AGBL3: variants seen among roughly 807,000 people sequenced by gnomAD.
The protein encoded by AGBL3 is cytosolic carboxypeptidase 3.
Under a neutral mutation model 94.5 loss-of-function variants are expected in AGBL3, and 68 were observed. That is an observed-to-expected ratio of 0.72 (90% CI 0.59 to 0.88). The LOEUF is 0.88. Ranked by LOEUF, AGBL3 falls within the 40% of genes least tolerant of loss-of-function variation. AGBL3 has a pLI of 0.00. For synonymous variants in AGBL3, 354 were observed against 370.7 expected (o/e 0.95, Z 0.52); for missense variants, 934 against 1,103.8 (o/e 0.85, Z 2.18).
chr7:135,105,257 A>G (rs1423625431), intron 15 of AGBL3, among the ~76,000 whole-genome samples: 1 of 152,040 alleles, frequency 6.6e-6, no homozygotes, highest in Non-Finnish European at 1.5e-5. Context: ...TTTAGTAGGG[A>G]TGGGGTTTCA....
rs529621155 is a variant in AGBL3 at position 135,069,794 on chromosome 7, T to A, written c.1909-6603T>A. On this transcript the variant is annotated intron_variant, in intron 12 of 16. Coordinates refer to ENST00000436302, the MANE Select transcript of AGBL3 (RefSeq NM_178563.4). Reference sequence around the variant, plus strand: ...CAGGAAATATCTAAAATTGACACCCTAACATCACAATTAAAAGAACTAGAG... The same window carrying A: ...CAGGAAATATCTAAAATTGACACCCAAACATCACAATTAAAAGAACTAGAG... 1.3e-3 allele frequency among the ~76,000 whole-genome samples: 202 copies of A among 152,156 alleles called. 1 individual carries two copies. Among genetic ancestry groups the A allele is most frequent in the South Asian group, 0.013 (64 of 4,822 alleles).
intron 16 of AGBL3, among the ~76,000 whole-genome samples, chr7:135,132,594 C>T (rs1828927130): frequency 6.6e-6 from 1 of 152,024 alleles, no homozygotes; most frequent in South Asian, 2.1e-4. Context: ...TGTAATAATC[C>T]CCACGTGTCA....
chr7:135,059,160 T>C lies in AGBL3; in HGVS notation c.1842-9T>C. 1 of 1,546,532 alleles carries C rather than the reference T, an allele frequency of 6.5e-7. No individual in the cohort carries two copies. Among genetic ancestry groups the C allele is most frequent in the Non-Finnish European group, 8.7e-7 (1 of 1,145,222 alleles). ...AACACTGTATAAACCAAAATTATTT[T>C]TTTTGTAGTAGCCGAGGCTCTGACA... is the stretch of plus-strand genomic sequence containing the variant. On this transcript the variant is annotated splice_polypyrimidine_tract_variant and intron_variant, in intron 11 of 16. Coordinates refer to ENST00000436302, the MANE Select transcript of AGBL3 (RefSeq NM_178563.4).
chr7:135,019,501 A>AT (rs1281186247), intron 5 of AGBL3, among the ~76,000 whole-genome samples: 72 of 151,842 alleles, frequency 4.7e-4, no homozygotes, highest in East Asian at 2.7e-3. Context: ...ATCTAGAATC[A>AT]TTTTTTTGTG....
At chr7:134,994,070 A>G (rs1271708303) in intron 4 of AGBL3, among the ~76,000 whole-genome samples, 2 of 152,202 alleles carry the variant, frequency 1.3e-5, no homozygotes, top group East Asian at 3.8e-4. Context: ...TAGCAATTCT[A>G]AACAATTCCA....
chr7:135,049,783 T>C (rs1044438963), intron 11 of AGBL3, among the ~76,000 whole-genome samples: 4 of 151,758 alleles, frequency 2.6e-5, no homozygotes, highest in Non-Finnish European at 5.9e-5. Flanking sequence ...TTTTTTATTT[T>C]ATTTGAGTCT....
intron 16 of AGBL3, among the ~76,000 whole-genome samples, chr7:135,127,860 A>G (rs1828107937): frequency 6.6e-6 from 1 of 152,250 alleles, no homozygotes; most frequent in South Asian, 2.1e-4. Flanking sequence ...ATTCTACTAT[A>G]AAGACACATG....
intron 4 of AGBL3, among the ~76,000 whole-genome samples, chr7:135,015,649 A>G (rs1171526121): frequency 2.0e-5 from 3 of 152,014 alleles, no homozygotes; most frequent in Non-Finnish European, 2.9e-5. Context: ...AATAAAGAAG[A>G]GCATAAGCAG....
intron 16 of AGBL3, among the ~76,000 whole-genome samples, chr7:135,133,866 T>C (rs959462786): frequency 1.3e-5 from 2 of 152,072 alleles, no homozygotes; most frequent in African/African-American, 2.4e-5. Flanking sequence ...CTATGGTACA[T>C]TCATGTCACA....
rs557171327 is a variant in AGBL3 at position 135,119,645 on chromosome 7, A to C, written c.2342+4034A>C. ...GTAATCCCAGCACTTTGGGAGGCCG[A>C]GGTGGGCAGATCACGAGTTCAGGAG... On this transcript the variant is annotated intron_variant, in intron 16 of 16. Transcript: ENST00000436302. Among the ~76,000 whole-genome samples the C allele has an allele frequency of 2.0e-5, 3 of 152,136 alleles. No homozygotes were observed. In the East Asian group the frequency reaches 5.8e-4, roughly 30 times the overall value.
At chr7:135,116,389 G>C (rs1826315660) in intron 16 of AGBL3, among the ~76,000 whole-genome samples, 1 of 152,048 alleles carries the variant, frequency 6.6e-6, no homozygotes, top group Admixed American at 6.6e-5. Context: ...AATATACAAA[G>C]AGTGCTTACA....
intron 3 of AGBL3, among the ~76,000 whole-genome samples, chr7:134,992,458 T>C (rs1398201552): frequency 6.6e-6 from 1 of 152,268 alleles, no homozygotes; most frequent in African/African-American, 2.4e-5. Context: ...ACTGAAATTA[T>C]CTTGTTTTCC....
chr7:135,026,609 C>T lies in AGBL3; in HGVS notation c.419-6235C>T, dbSNP rs1815172083. Among the ~76,000 whole-genome samples the T allele has an allele frequency of 2.0e-5, 3 of 151,528 alleles. 1 individual carries two copies. The South Asian group carries it at 6.4e-4, about 32-fold the overall frequency. On this transcript the variant is annotated intron_variant, in intron 5 of 16. Transcript: ENST00000436302. ...ATAACTAGGAAATATTTCTTTTTAT[C>T]TCTGGCATTACATCATGTCTTTATG...
chr7:135,022,127 T>C (rs75341484), intron 5 of AGBL3, among the ~76,000 whole-genome samples: 2 of 152,362 alleles, frequency 1.3e-5, no homozygotes, highest in Admixed American at 1.3e-4. Context: ...GCAATCAACA[T>C]ACATGTGCAC....
chr7:135,062,786 G>A (rs908564289), intron 12 of AGBL3, among the ~76,000 whole-genome samples: 3 of 151,984 alleles, frequency 2.0e-5, no homozygotes, highest in Admixed American at 6.6e-5. Context: ...GAAGATTTTT[G>A]CATCTATGCT....
intron 3 of AGBL3, among the ~76,000 whole-genome samples, chr7:134,992,145 T>C (rs1338457596): frequency 6.6e-6 from 1 of 152,254 alleles, no homozygotes; most frequent in African/African-American, 2.4e-5. Flanking sequence ...AAATTTTACA[T>C]GTGGTTGCTG....
chr7:135,027,719 A>G (rs1259901491), intron 5 of AGBL3, among the ~76,000 whole-genome samples: 1 of 151,562 alleles, frequency 6.6e-6, no homozygotes, highest in Non-Finnish European at 1.5e-5. Flanking sequence ...GTTGTCTTTA[A>G]TAAGAAGACA....
At chr7:135,051,514 T>C (rs1817873388) in intron 11 of AGBL3, among the ~76,000 whole-genome samples, 1 of 152,148 alleles carries the variant, frequency 6.6e-6, no homozygotes, top group Non-Finnish European at 1.5e-5. Flanking sequence ...AATCTGCCAT[T>C]TCTCTCAGAA....
intron 11 of AGBL3, among the ~76,000 whole-genome samples, chr7:135,056,136 T>C (rs940127319): frequency 9.9e-5 from 15 of 152,160 alleles, no homozygotes; most frequent in African/African-American, 2.6e-4. Flanking sequence ...TGTTAGCAAG[T>C]TGGGTTCTTT....
Sources: gnomAD v4.1 joint callset for allele counts (sites outside exome capture counted in the v4.1 genomes callset) on GRCh38, gnomAD v4.1.1 for gene constraint, MANE v1.5 for transcripts, NCBI Gene and HGNC (gene_info 2026-07-23, HGNC 2026-07-21) for gene names.